The following LRP5 variants were observed in gnomAD, a reference collection of about 807,000 sequenced individuals.
LRP5 encodes low-density lipoprotein receptor-related protein 5.
LRP5 carries 62 observed loss-of-function variants against 154.1 expected under a neutral mutation model. That is an observed-to-expected ratio of 0.40 (90% CI 0.33 to 0.50). The LOEUF is 0.50. Among genes scored for constraint, LRP5 ranks in the 20% least tolerant of loss-of-function variants. The probability of loss-of-function intolerance (pLI) is 0.55; values close to 1 mark genes in which losing one functional copy is unlikely to be tolerated. For missense variants in LRP5, 1,915 were observed against 2,336.7 expected (o/e 0.82, Z 3.72); for synonymous variants, 966 against 1,011.5 (o/e 0.96, Z 0.85).
At chr11:68,425,848 C>A in intron 15 of LRP5, 130 bp from the exon 16 acceptor site, 1 of 807,912 alleles carries the variant, frequency 1.2e-6, no homozygotes, top group Non-Finnish European at 2.0e-6. Flanking sequence ...GCTGCAGCTC[C>A]CACCCCTGTC....
intron 18 of LRP5, among the ~76,000 whole-genome samples, chr11:68,434,355 TTCATTCA>T (rs1565112670): frequency 2.9e-3 from 8 of 2,780 alleles, no homozygotes; most frequent in African/African-American, 4.0e-3. Flanking sequence ...TTTTCTTTCA[TTCATTCA>T]TTCATTCATT....
In LRP5 at chr11:68,365,601, G is replaced by A; in HGVS notation, c.914G>A (p.Gly305Asp). 1 of 1,613,950 alleles carries A rather than the reference G, an allele frequency of 6.2e-7. No homozygotes were observed. Among genetic ancestry groups the A allele is most frequent in the Non-Finnish European group, 8.5e-7 (1 of 1,180,014 alleles). ...FHTRCEEDNG[G>D]CSHLCLLSPS... ...ACTCGCTGTGAGGAGGACAATGGCG[G>A]CTGCTCCCACCTGTGCCTGCTGTCC... Residue 305 changes from glycine to aspartate, a missense_variant, in exon 5 of 23, where the codon GGC becomes GAC. Gly to Asp is a moderately conservative substitution (Grantham distance 94). Around this residue, in one of 3 missense-constraint regions of LRP5, gnomAD observed 773 missense variants for 1,100.9 expected, o/e 0.70. Transcript: ENST00000294304.
chr11:68,372,062 G>A lies in LRP5; in HGVS notation c.1015+6360G>A, dbSNP rs1283340121. On this transcript the variant is annotated intron_variant, in intron 5 of 22. Transcript: ENST00000294304. ...AGCGGAAACGCAGGTAACGAAGGAG[G>A]CTGTGCTGGTGGGACTTGTGCCTGT... 2.6e-5 allele frequency among the ~76,000 whole-genome samples: 4 copies of A among 152,254 alleles called. No individual in the cohort carries two copies. The East Asian group carries it at 7.7e-4, about 29-fold the overall frequency.
chr11:68,428,073 A>C (rs536668500), intron 16 of LRP5, among the ~76,000 whole-genome samples: 37 of 151,060 alleles, frequency 2.4e-4, no homozygotes, highest in Non-Finnish European at 4.3e-4. Context: ...GTTCACTGCA[A>C]CCTCTGCCTC....
chr11:68,389,015 A>G (rs1352069383), intron 6 of LRP5, among the ~76,000 whole-genome samples: 1 of 152,130 alleles, frequency 6.6e-6, no homozygotes, highest in Non-Finnish European at 1.5e-5. Context: ...CAACACTGAC[A>G]TCTACTGACA....
chr11:68,415,294 G>C (rs533853466), intron 12 of LRP5, among the ~76,000 whole-genome samples: 5 of 152,140 alleles, frequency 3.3e-5, no homozygotes, highest in Non-Finnish European at 1.5e-5. Context: ...GTCTTCTCTC[G>C]GGCTTGTTGA....
At chr11:68,336,965 A>G (rs2098606047) in intron 1 of LRP5, among the ~76,000 whole-genome samples, 1 of 152,254 alleles carries the variant, frequency 6.6e-6, no homozygotes. Context: ...CAGAAGCATC[A>G]TAGATCTCTG....
chr11:68,365,461 G>A, intron 4 of LRP5, 110 bp from the exon 5 acceptor site: 1 of 1,522,084 alleles, frequency 6.6e-7, no homozygotes, highest in Non-Finnish European at 9.0e-7. Flanking sequence ...TGTTTGGGCA[G>A]AGGGACACAC....
chr11:68,333,590 C>T (rs1348087414), intron 1 of LRP5, among the ~76,000 whole-genome samples: 1 of 152,252 alleles, frequency 6.6e-6, no homozygotes, highest in South Asian at 2.1e-4. Flanking sequence ...AAACATTGTC[C>T]CTGCCCCACC....
At position 68,406,831 on chromosome 11, in the gene LRP5, G is replaced by A. The variant is rs532982819; in HGVS notation, c.2091+18G>A. Reference sequence around the variant, plus strand: ...GCCTGAAGGTAGCGTGGGCCAGAACGTGCACACAGGCAGCCTTTATGGGAA... The same window carrying A: ...GCCTGAAGGTAGCGTGGGCCAGAACATGCACACAGGCAGCCTTTATGGGAA... On this transcript the variant is annotated intron_variant, in intron 9 of 22. Transcript: ENST00000294304. The A allele has an allele frequency of 2.6e-5, 42 of 1,612,642 alleles. No individual in the cohort carries two copies. Among genetic ancestry groups the A allele is most frequent in the East Asian group, 6.7e-5 (3 of 44,850 alleles).
intron 21 of LRP5, among the ~76,000 whole-genome samples, chr11:68,442,668 G>GT (rs890135225): frequency 6.6e-6 from 1 of 152,240 alleles, no homozygotes; most frequent in Non-Finnish European, 1.5e-5. Context: ...AAAAGCTGCT[G>GT]TTCTGAGCAT....
intron 5 of LRP5, among the ~76,000 whole-genome samples, chr11:68,373,461 C>T (rs766886521): frequency 1.3e-5 from 2 of 152,170 alleles, no homozygotes; most frequent in Admixed American, 6.5e-5. Flanking sequence ...GCAGGGTGAC[C>T]GCTAGCCCTG....
rs2098601464 is a variant in LRP5, at chr11:68,329,358, T to G, written c.91+16553T>G. On this transcript the variant is annotated intron_variant, in intron 1 of 22. Coordinates refer to ENST00000294304, the MANE Select transcript of LRP5 (RefSeq NM_002335.4). Reference sequence around the variant, plus strand: ...TGTGGGCTGGGGGCCATCCCTACCCTCATTTTACAGACGAAGAAACTGAGG... The same window carrying G: ...TGTGGGCTGGGGGCCATCCCTACCCGCATTTTACAGACGAAGAAACTGAGG... 3.3e-5 allele frequency among the ~76,000 whole-genome samples: 5 copies of G among 152,208 alleles called. No homozygotes were observed. In the South Asian group the frequency reaches 1.0e-3, roughly 32 times the overall value.
rs577226685 is a variant in LRP5 at position 68,430,919 on chromosome 11, T to G, written c.3763+1219T>G. On this transcript the variant is annotated intron_variant, in intron 17 of 22. Coordinates refer to ENST00000294304, the MANE Select transcript of LRP5 (RefSeq NM_002335.4). ...ATCTCTGTGAGCCTCCACTTCCTCCTCTGTGAAATTGAGAGCACTTACCTG... is the reference window on the plus strand; with the variant it reads ...ATCTCTGTGAGCCTCCACTTCCTCCGCTGTGAAATTGAGAGCACTTACCTG... 2.2e-4 allele frequency among the ~76,000 whole-genome samples: 33 copies of G among 152,288 alleles called. 1 individual carries two copies. The highest frequency in any genetic ancestry group is 3.2e-4 in the Non-Finnish European group (22 of 68,024).
At chr11:68,374,870 G>A (rs1192787649) in intron 5 of LRP5, among the ~76,000 whole-genome samples, 2 of 152,200 alleles carry the variant, frequency 1.3e-5, no homozygotes, top group South Asian at 2.1e-4. Flanking sequence ...ACCGTGGAGC[G>A]GGGGCACAGG....
Position 68,423,672 on chromosome 11 carries a change from G to T in LRP5, c.3211G>T (p.Ala1071Ser). Residue 1071 changes from alanine (A) to serine (S), a missense_variant, in exon 14 of 23, where the codon GCC (alanine) becomes TCC (serine). Ala to Ser is a moderately conservative substitution (Grantham distance 99). Transcript: ENST00000294304. This position sits in a 1 kb window ranked among gnomAD's most constrained non-coding sequence, Gnocchi z 4.7. The stretch of plus-strand genomic sequence containing the variant: ...GCGTGGGGACCGCGACAAGCCCAGG[G>T]CCATCGTCGTCAACGCGGAGCGAGG... ...VLRGDRDKPRAIVVNAERGYL... is the reference protein window; with the variant it reads ...VLRGDRDKPRSIVVNAERGYL... 6.2e-7 allele frequency: 1 copy of T among 1,613,310 alleles called. No individual in the cohort carries two copies.
At chr11:68,310,390 C>T (rs1305196697), upstream of LRP5, among the ~76,000 whole-genome samples, 1 of 152,166 alleles carries the variant, frequency 6.6e-6, no homozygotes, top group Admixed American at 6.6e-5. Context: ...GAGGCCGAGG[C>T]AGGTGGATCA....
At chr11:68,366,605 C>G (rs541803134) in intron 5 of LRP5, among the ~76,000 whole-genome samples, 1 of 152,020 alleles carries the variant, frequency 6.6e-6, no homozygotes, top group Non-Finnish European at 1.5e-5. Context: ...AGGGGTCCTG[C>G]GTTTGGTGAG....
chr11:68,326,119 C>T (rs964964638), intron 1 of LRP5, among the ~76,000 whole-genome samples: 15 of 152,174 alleles, frequency 9.9e-5, no homozygotes, highest in Admixed American at 3.3e-4. Context: ...TAGCTGGCCT[C>T]GGCATTTATT....
Sources: allele counts gnomAD v4.1 joint callset (sites outside exome capture counted in the v4.1 genomes callset), GRCh38; gene constraint gnomAD v4.1.1; regional missense constraint gnomAD v4.1.1; non-coding constraint Gnocchi (gnomAD v3.1); transcripts MANE v1.5; gene names NCBI Gene and HGNC (gene_info 2026-07-23, HGNC 2026-07-21).